Variants in CD96 observed in about 807,000 individuals in gnomAD.
The protein encoded by CD96 is T-cell surface protein tactile.
CD96 carries 70 observed loss-of-function variants against 71.3 expected under a neutral mutation model. The observed-to-expected ratio is 0.98, with a 90% confidence interval of 0.81 to 1.20. The LOEUF is 1.20. CD96 is among the 50% of genes most tolerant of loss of function. CD96 has a pLI of 0.00. For missense variants in CD96, 742 were observed against 677.5 expected (o/e 1.10, Z -1.06); for synonymous variants, 248 against 233.0 (o/e 1.06, Z -0.59).
intron 6 of CD96, among the ~76,000 whole-genome samples, 184 bp from the exon 7 acceptor site, chr3:111,600,542 G>A (rs960236929): frequency 2.0e-5 from 3 of 152,158 alleles, no homozygotes; most frequent in African/African-American, 7.2e-5. Context: ...TGACATGCAG[G>A]AGCTTGAGCA....
rs146957915 is a variant in CD96, at chr3:111,583,959, T to C, written c.752-1364T>C. On this transcript the variant is annotated intron_variant, in intron 4 of 13. Coordinates refer to ENST00000352690, the MANE Select transcript of CD96 (RefSeq NM_005816.5). ...TGCAAATTTCGGCAGCCAGCTTGAA[T>C]TTCTCCCTAGAAAATGGGTTTCTCT... Among the ~76,000 whole-genome samples, 315 of 152,324 alleles carry C rather than the reference T, an allele frequency of 2.1e-3. 1 individual carries two copies. The highest frequency in any genetic ancestry group is 0.014 in the Middle Eastern group (4 of 294).
At chr3:111,643,105 T>G (rs955362243) in intron 12 of CD96, among the ~76,000 whole-genome samples, 4 of 148,250 alleles carry the variant, frequency 2.7e-5, no homozygotes, top group African/African-American at 9.9e-5. Context: ...CTAACCAAAT[T>G]CAACAACATA....
intron 10 of CD96, among the ~76,000 whole-genome samples, chr3:111,628,072 A>AAAAAAG (rs368128468): frequency 2.6e-5 from 4 of 152,216 alleles, no homozygotes; most frequent in South Asian, 2.1e-4. Context: ...GAAAACTTTA[A>AAAAAAG]AAAAAGAAAA....
chr3:111,600,918 AGTT>A lies in CD96; in HGVS notation c.1087+7_1087+9del, dbSNP rs1375181578. Reference sequence around the variant, plus strand: ...GAAAAGATCACTTTTCTCTTAGGTGAGTTGTCTATTTAATAAGATCAACAAGAG... The same window carrying A: ...GAAAAGATCACTTTTCTCTTAGGTGAGTCTATTTAATAAGATCAACAAGAG... On this transcript the variant is annotated splice_donor_5th_base_variant and intron_variant, in intron 7 of 13. Transcript: ENST00000352690. The A allele has an allele frequency of 5.1e-6, 8 of 1,580,680 alleles. No individual in the cohort carries two copies. Among genetic ancestry groups the A allele is most frequent in the East Asian group, 4.5e-5 (2 of 44,714 alleles).
At chr3:111,572,929 G>A (rs941327088) in intron 3 of CD96, among the ~76,000 whole-genome samples, 2 of 152,170 alleles carry the variant, frequency 1.3e-5, no homozygotes, top group Non-Finnish European at 2.9e-5. Context: ...TACATCGCAG[G>A]ACTGGGAATA....
intron 8 of CD96, among the ~76,000 whole-genome samples, chr3:111,611,970 G>A (rs988830879): frequency 1.7e-4 from 26 of 152,128 alleles, no homozygotes; most frequent in African/African-American, 6.0e-4. Flanking sequence ...TCCTGACCAC[G>A]CAGATTGATG....
intron 4 of CD96, among the ~76,000 whole-genome samples, chr3:111,581,255 G>A (rs530143157): frequency 6.6e-6 from 1 of 152,138 alleles, no homozygotes; most frequent in East Asian, 1.9e-4. Flanking sequence ...TTAGTAAATT[G>A]GCTGGGCGGG....
rs535553175 is a variant in CD96, at chr3:111,583,769, G to A, written c.752-1554G>A. 5.3e-5 allele frequency among the ~76,000 whole-genome samples: 8 copies of A among 152,308 alleles called. No homozygotes were observed. In the East Asian group the frequency reaches 9.7e-4, roughly 18 times the overall value. ...GCTGGGACACAGGGCACCAAGTCCCGAGGCTGCACACAGCAAGGGGACCCT... is the reference window on the plus strand; with the variant it reads ...GCTGGGACACAGGGCACCAAGTCCCAAGGCTGCACACAGCAAGGGGACCCT... On this transcript the variant is annotated intron_variant, in intron 4 of 13. Coordinates refer to ENST00000352690, the MANE Select transcript of CD96 (RefSeq NM_005816.5).
In CD96 at chr3:111,542,308, G is replaced by A. The variant is rs201619916; in HGVS notation, c.60G>A (p.Lys20=). Residue 20 remains lysine, a splice_region_variant and synonymous_variant, in exon 1 of 14, where the codon AAG becomes AAA. Transcript: ENST00000352690. ...ACATCATCCAGATACATTTTGTCAA[G>A]GGTAAGACTTCCAGTTGTCCCTTCT... ...VYYIIQIHFV[K]GVWEKTVNTE... The A allele has an allele frequency of 3.1e-6, 5 of 1,613,040 alleles. No homozygotes were observed. Among genetic ancestry groups the A allele is most frequent in the Non-Finnish European group, 4.2e-6 (5 of 1,179,030 alleles).
At chr3:111,621,646 T>TAA (rs1015786188) in intron 8 of CD96, among the ~76,000 whole-genome samples, 3 of 152,194 alleles carry the variant, frequency 2.0e-5, no homozygotes, top group African/African-American at 7.2e-5. Flanking sequence ...CATAGGTTTG[T>TAA]AAAATGGTAT....
chr3:111,644,846 T>C (rs1576429824), intron 12 of CD96, among the ~76,000 whole-genome samples: 4 of 151,940 alleles, frequency 2.6e-5, no homozygotes, highest in Admixed American at 2.6e-4. Flanking sequence ...AGAATGGCCA[T>C]AATCAAAAAA....
At chr3:111,587,504 A>G (rs764533052) in intron 5 of CD96, among the ~76,000 whole-genome samples, 41 of 152,186 alleles carry the variant, frequency 2.7e-4, no homozygotes, top group Non-Finnish European at 5.1e-4. Context: ...ACACAGTGCA[A>G]GCTGTCACGG....
chr3:111,593,477 G>T, intron 5 of CD96: 5 of 1,489,006 alleles, frequency 3.4e-6, no homozygotes, highest in Non-Finnish European at 3.6e-6. Context: ...CATTTGAGTT[G>T]AAACTAAAAT....
chr3:111,570,785 G>T (rs774359884), intron 3 of CD96: 21 of 1,613,524 alleles, frequency 1.3e-5, no homozygotes, highest in Middle Eastern at 3.3e-4. Flanking sequence ...CCAGGGAAAC[G>T]TCTTCCAAAG....
At chr3:111,591,234 G>T (rs754061097) in intron 5 of CD96, among the ~76,000 whole-genome samples, 6 of 151,984 alleles carry the variant, frequency 3.9e-5, no homozygotes. Flanking sequence ...TTAGCTGGGC[G>T]TGGTGGCACG....
At position 111,647,635 on chromosome 3, in the gene CD96, G is replaced by C. The variant is rs1206334162; in HGVS notation, c.1570G>C (p.Val524Leu). The change falls in exon 13 of 14, where the codon GTG (valine) becomes CTG (leucine). Residue 524 changes from valine to leucine, a missense_variant. Transcript: ENST00000352690. ...FCCMILFGLGVRKWCQYQKEI... is the reference protein window; with the variant it reads ...FCCMILFGLGLRKWCQYQKEI... ...CTGCATGATATTGTTTGGTCTTGGA[G>C]TGAGAAAATGGTGTCAGTACCAAAA... 11 of 1,611,270 alleles carry C rather than the reference G, an allele frequency of 6.8e-6. No individual in the cohort carries two copies. Among genetic ancestry groups the C allele is most frequent in the Non-Finnish European group, 9.3e-6 (11 of 1,177,498 alleles).
chr3:111,610,831 A>G (rs999305589), intron 8 of CD96, among the ~76,000 whole-genome samples: 1 of 152,214 alleles, frequency 6.6e-6, no homozygotes, highest in Non-Finnish European at 1.5e-5. Context: ...GTGCCTTTCA[A>G]TTCACTGGCT....
chr3:111,568,759 T>C (rs1935840869), intron 3 of CD96, among the ~76,000 whole-genome samples: 1 of 152,178 alleles, frequency 6.6e-6, no homozygotes, highest in Admixed American at 6.5e-5. Flanking sequence ...ATGAGGATAA[T>C]AATAAATATG....
chr3:111,598,238 T>C (rs1937345978), intron 6 of CD96, 28 bp downstream of exon 6: 1 of 924,388 alleles, frequency 1.1e-6, no homozygotes, highest in Non-Finnish European at 1.8e-6. Context: ...TGGAAATAAG[T>C]TCGGTACAAA....
Sources: allele counts gnomAD v4.1 joint callset (sites outside exome capture counted in the v4.1 genomes callset), GRCh38; gene constraint gnomAD v4.1.1; transcripts MANE v1.5; gene names NCBI Gene and HGNC (gene_info 2026-07-23, HGNC 2026-07-21).